AMMECR1: variants seen among roughly 807,000 people sequenced by gnomAD.
AMMECR1 encodes the protein AMMECR nuclear protein 1.
Under a neutral mutation model 22.5 loss-of-function variants are expected in AMMECR1, and 3 were observed. The ratio of observed to expected loss-of-function variants is 0.13; its 90% CI spans 0.06 to 0.35. The LOEUF (loss-of-function observed/expected upper bound fraction) is 0.35, where lower values mean the gene tolerates loss of function less well. Among genes scored for constraint, AMMECR1 ranks in the 10% least tolerant of loss-of-function variants. The pLI is 1.00. For synonymous variants in AMMECR1, 130 were observed against 116.7 expected (o/e 1.11, Z -0.74); for missense variants, 235 against 278.7 (o/e 0.84, Z 1.12).
Position 110,264,541 on chromosome X carries a change from T to C in AMMECR1, c.532A>G (p.Thr178Ala). 1 of 1,208,604 alleles carries C rather than the reference T, an allele frequency of 8.3e-7. No individual in the cohort carries two copies. The highest frequency in any genetic ancestry group is 1.1e-6 in the Non-Finnish European group (1 of 893,519). Residue 178 changes from threonine (T) to alanine (A), a missense_variant, in exon 2 of 6, where the codon ACT (threonine) becomes GCT (alanine). Physicochemically the swap from Thr to Ala is moderately conservative, Grantham distance 58. Coordinates refer to ENST00000262844, the MANE Select transcript of AMMECR1 (RefSeq NM_015365.3). Reference protein sequence around the residue: ...RDKRLRGCIGTFSAMNLHSGL... With the variant: ...RDKRLRGCIGAFSAMNLHSGL... Reference sequence around the variant, plus strand: ...GAATGCAAATTCATGGCAGAAAAAGTACCTATGCATCCACGTAATCTTTTG... The same window carrying C: ...GAATGCAAATTCATGGCAGAAAAAGCACCTATGCATCCACGTAATCTTTTG...
intron 2 of AMMECR1, among the ~76,000 whole-genome samples, chrX:110,412,048 T>C (rs1304307229): frequency 3.5e-5 from 4 of 113,104 alleles, no homozygotes; most frequent in African/African-American, 9.6e-5. Flanking sequence ...AAAGGGCCTA[T>C]GCCCTATTAA....
chrX:110,331,507 C>G (rs140545099), intron 2 of AMMECR1, among the ~76,000 whole-genome samples: 22 of 110,701 alleles, frequency 2.0e-4, no homozygotes, highest in Non-Finnish European at 3.4e-4. Flanking sequence ...TCTTACTTAT[C>G]TCTCATTCTC....
At chrX:110,307,800 A>G (rs1227436842) in intron 1 of AMMECR1, among the ~76,000 whole-genome samples, 1 of 108,236 alleles carries the variant, frequency 9.2e-6, no homozygotes, top group Non-Finnish European at 1.9e-5. Flanking sequence ...AAGGACCCAT[A>G]GCAGGTCCTC....
intron 3 of AMMECR1, among the ~76,000 whole-genome samples, chrX:110,206,116 A>T: frequency 8.9e-6 from 1 of 112,247 alleles, no homozygotes; most frequent in African/African-American, 3.2e-5. Context: ...ACCTGGCCTC[A>T]GCCCCATCCT....
At chrX:110,250,551 C>T (rs917567962) in intron 2 of AMMECR1, among the ~76,000 whole-genome samples, 5 of 112,182 alleles carry the variant, frequency 4.5e-5, no homozygotes, top group Non-Finnish European at 5.6e-5. Flanking sequence ...AGATATTACT[C>T]GGAGGGTTAA....
intron 3 of AMMECR1, among the ~76,000 whole-genome samples, chrX:110,207,828 T>C (rs1480058838): frequency 2.7e-5 from 3 of 111,774 alleles, no homozygotes; most frequent in Non-Finnish European, 3.8e-5. Flanking sequence ...GGAGGACATA[T>C]GTCTTACAAA....
rs2068212223 is a variant in AMMECR1 at position 110,351,776 on chromosome X, A to C, written c.-147-33927T>G. On this transcript the variant is annotated intron_variant, in intron 2 of 7. Transcript: ENST00000372057. The stretch of plus-strand genomic sequence containing the variant: ...CTTAATTAAAAACTTTAATGAATCA[A>C]AGGAAATGAAAAGACAACCCAGAGA... Among the ~76,000 whole-genome samples the C allele has an allele frequency of 2.7e-5, 3 of 112,445 alleles. No individual in the cohort carries two copies. The Admixed American group carries it at 2.8e-4, about 11-fold the overall frequency.
At chrX:110,237,318 C>T (rs1196971565) in intron 2 of AMMECR1, among the ~76,000 whole-genome samples, 1 of 110,177 alleles carries the variant, frequency 9.1e-6, no homozygotes, top group Non-Finnish European at 1.9e-5. Context: ...ATCCAGTGGC[C>T]ACTCTTCCTG....
chrX:110,340,669 A>G (rs895339208), intron 2 of AMMECR1, among the ~76,000 whole-genome samples: 1 of 112,473 alleles, frequency 8.9e-6, no homozygotes, highest in Non-Finnish European at 1.9e-5. Context: ...GAGGACTGGA[A>G]AAGGTTGTAT....
intron 1 of AMMECR1, 21 bp downstream of exon 1, chrX:110,317,578 G>A (rs1160119723): frequency 1.5e-5 from 17 of 1,148,123 alleles, no homozygotes; most frequent in Non-Finnish European, 1.9e-5. Context: ...GGGAGAGGGC[G>A]GCGGAGGGCA....
chrX:110,204,065 T>G (rs2067410117), intron 3 of AMMECR1, among the ~76,000 whole-genome samples: 1 of 111,609 alleles, frequency 9.0e-6, no homozygotes. Flanking sequence ...AGAAGAAATA[T>G]GAGCGCTTAG....
chrX:110,421,505 G>A (rs1173378245), intron 2 of AMMECR1, among the ~76,000 whole-genome samples: 2 of 112,581 alleles, frequency 1.8e-5, no homozygotes, highest in Non-Finnish European at 3.8e-5. Context: ...TGCTTTCATT[G>A]CAATTGTCAG....
At chrX:110,230,008 C>G (rs1340874524) in intron 2 of AMMECR1, among the ~76,000 whole-genome samples, 3 of 112,916 alleles carry the variant, frequency 2.7e-5, no homozygotes, top group Non-Finnish European at 3.8e-5. Context: ...CCAGGAAGCT[C>G]GAACTGGGCG....
At chrX:110,306,899 T>TA (rs1013605851) in intron 1 of AMMECR1, 2 of 111,400 alleles carry the variant, frequency 1.8e-5, no homozygotes, top group African/African-American at 6.5e-5. Context: ...ACTATACACT[T>TA]AAACATTTAC....
chrX:110,199,439 A>G (rs961866507), intron 5 of AMMECR1, among the ~76,000 whole-genome samples: 1 of 110,588 alleles, frequency 9.0e-6, no homozygotes, highest in Non-Finnish European at 1.9e-5. Flanking sequence ...AGTGAACCCT[A>G]TCCTTACAAT....
intron 2 of AMMECR1, among the ~76,000 whole-genome samples, chrX:110,365,810 A>G (rs1181356828): frequency 2.7e-5 from 3 of 111,992 alleles, no homozygotes; most frequent in Non-Finnish European, 5.6e-5. Context: ...AGAGTGAGCG[A>G]GGTGATCTAT....
At chrX:110,438,072 G>A (rs990362951) in intron 1 of AMMECR1, among the ~76,000 whole-genome samples, 1 of 111,482 alleles carries the variant, frequency 9.0e-6, no homozygotes, top group Admixed American at 9.5e-5. Flanking sequence ...TCTGCCAACA[G>A]AGCTTCTTGG....
intron 2 of AMMECR1, among the ~76,000 whole-genome samples, chrX:110,414,571 G>A (rs937822371): frequency 2.7e-5 from 3 of 113,127 alleles, no homozygotes; most frequent in Admixed American, 1.9e-4. Flanking sequence ...AGGAAGCTGA[G>A]GCACAGACAG....
In AMMECR1 at chrX:110,423,055, C is replaced by T. The variant is rs763799721; in HGVS notation, c.-148+3603G>A. Among the ~76,000 whole-genome samples, 67 of 112,087 alleles carry T rather than the reference C, an allele frequency of 6.0e-4. 1 individual carries two copies. The highest frequency in any genetic ancestry group is 1.0e-3 in the Non-Finnish European group (55 of 53,203). Reference sequence around the variant, plus strand: ...TAAAGAAGACAGAGGAGGCCGGGCGCGGTGTCTCATGCCTGTAATCCCAGC... The same window carrying T: ...TAAAGAAGACAGAGGAGGCCGGGCGTGGTGTCTCATGCCTGTAATCCCAGC... On this transcript the variant is annotated intron_variant, in intron 2 of 7. Coordinates refer to the AMMECR1 transcript ENST00000372057.
Sources: allele counts gnomAD v4.1 joint callset (sites outside exome capture counted in the v4.1 genomes callset), GRCh38; gene constraint gnomAD v4.1.1; transcripts MANE v1.5; gene names NCBI Gene and HGNC (gene_info 2026-07-23, HGNC 2026-07-21).